The following CMYA5 variants were observed in gnomAD, a reference collection of about 807,000 sequenced individuals.
CMYA5 encodes the protein cardiomyopathy-associated protein 5.
CMYA5 carries 246 observed loss-of-function variants against 318.9 expected under a neutral mutation model. The observed-to-expected ratio is 0.77, with a 90% CI of 0.70 to 0.86. The LOEUF is 0.86. CMYA5 is among the 40% of genes least tolerant of loss of function. The pLI is 0.00. For missense variants in CMYA5, 4,589 were observed against 4,678.2 expected (o/e 0.98, Z 0.56); for synonymous variants, 1,641 against 1,729.5 (o/e 0.95, Z 1.27).
rs190060948 is a variant in CMYA5, at chr5:79,715,373, C to T, written c.150-13542C>T. On this transcript the variant is annotated intron_variant, in intron 1 of 12. Coordinates refer to ENST00000446378, the MANE Select transcript of CMYA5 (RefSeq NM_153610.5). ...TGCGATCTCAGCTCACTGCAAGCTC[C>T]GCCTCCCGGGTTCACGCCACTCTCC... 3.7e-3 allele frequency among the ~76,000 whole-genome samples: 568 copies of T among 152,072 alleles called. 6 individuals carry two copies. The highest frequency in any genetic ancestry group is 0.013 in the African/African-American group (548 of 41,450).
intron 1 of CMYA5, among the ~76,000 whole-genome samples, chr5:79,709,960 C>CAAAAAAAAAAAAAAAAAAAAAA (rs61657639): frequency 1.6e-4 from 4 of 24,320 alleles, no homozygotes; most frequent in African/African-American, 3.0e-4. Flanking sequence ...GACTCCATCT[C>CAAAAAAAAAAAAAAAAAAAAAA]AAAAAAAAAA....
intron 9 of CMYA5, 71 bp downstream of exon 9, chr5:79,763,280 C>CT (rs1828690792): frequency 3.0e-6 from 4 of 1,313,784 alleles, no homozygotes; most frequent in Non-Finnish European, 4.1e-6. Context: ...AAACTACCCT[C>CT]TAACTTCTGC....
intron 9 of CMYA5, among the ~76,000 whole-genome samples, chr5:79,763,813 G>A (rs1380902301): frequency 6.6e-6 from 1 of 152,178 alleles, no homozygotes; most frequent in Non-Finnish European, 1.5e-5. Context: ...ATCTACCGAG[G>A]TGGTGTTTTC....
chr5:79,712,006 C>T (rs1827400656), intron 1 of CMYA5, among the ~76,000 whole-genome samples: 1 of 152,094 alleles, frequency 6.6e-6, no homozygotes, highest in Non-Finnish European at 1.5e-5. Flanking sequence ...CTGGAGAGTG[C>T]CATCACTGGG....
chr5:79,712,542 G>GA (rs1198800326), intron 1 of CMYA5, among the ~76,000 whole-genome samples: 7 of 146,866 alleles, frequency 4.8e-5, no homozygotes, highest in African/African-American at 1.0e-4. Context: ...AAATGACAGA[G>GA]AAAAAAAAAA....
chr5:79,790,830 T>C, intron 10 of CMYA5, 140 bp from the exon 11 acceptor site: 1 of 622,578 alleles, frequency 1.6e-6, no homozygotes, highest in South Asian at 2.0e-5. Flanking sequence ...AGTGAAGTTT[T>C]CAGCTGTGGA....
chr5:79,730,619 A>G lies in CMYA5; in HGVS notation c.1854A>G (p.Pro618=). The G allele has an allele frequency of 6.2e-7, 1 of 1,614,034 alleles. No individual in the cohort carries two copies. The highest frequency in any genetic ancestry group is 8.5e-7 in the Non-Finnish European group (1 of 1,179,892). Residue 618 remains proline (P), a synonymous_variant, in exon 2 of 13, where the codon CCA becomes CCG. Transcript: ENST00000446378. ...AGCAAGAAGGTGAGCCAGTTCCCCC[A>G]TCCAATGTAGAAGCTATAGCTGAAC... ...LQEQEGEPVP[P]SNVEAIAEHA...
At chr5:79,788,028 A>G (rs1829110799) in intron 9 of CMYA5, among the ~76,000 whole-genome samples, 1 of 152,262 alleles carries the variant, frequency 6.6e-6, no homozygotes, top group East Asian at 1.9e-4. Flanking sequence ...AAAGACAAAC[A>G]AAAAACCCTA....
intron 6 of CMYA5, among the ~76,000 whole-genome samples, chr5:79,755,422 G>A (rs1478741729): frequency 2.6e-5 from 4 of 152,114 alleles, no homozygotes; most frequent in Non-Finnish European, 5.9e-5. Context: ...CAGTAGCTGG[G>A]ATTACAGGCG....
At chr5:79,749,504 T>A (rs569962630) in intron 5 of CMYA5, among the ~76,000 whole-genome samples, 1 of 152,142 alleles carries the variant, frequency 6.6e-6, no homozygotes, top group African/African-American at 2.4e-5. Flanking sequence ...ATTGGAAAAT[T>A]TTTTTGAGAT....
At chr5:79,794,046 C>T (rs1440330571) in intron 12 of CMYA5, among the ~76,000 whole-genome samples, 2 of 152,150 alleles carry the variant, frequency 1.3e-5, no homozygotes. Context: ...AGAGAGACCA[C>T]AAGGGTAATG....
intron 9 of CMYA5, among the ~76,000 whole-genome samples, chr5:79,766,734 G>A (rs1444925271): frequency 2.6e-5 from 4 of 152,140 alleles, no homozygotes; most frequent in Admixed American, 6.5e-5. Context: ...TTTTCACATC[G>A]ATGTTCATCA....
chr5:79,743,868 C>T lies in CMYA5; in HGVS notation c.10680C>T (p.Ser3560=), dbSNP rs757089344. The T allele has an allele frequency of 7.1e-6, 11 of 1,548,566 alleles. No homozygotes were observed. Among genetic ancestry groups the T allele is most frequent in the Non-Finnish European group, 9.6e-6 (11 of 1,144,906 alleles). ...AEFLENLQEK[S]LRIEAFVSEI... ...TTCTAGAAAATTTACAAGAAAAGTC[C>T]TTGAGGATTGAAGCCTTTGTTAGTG... The change falls in exon 3 of 13, where the codon TCC becomes TCT. Residue 3560 remains serine (S), a synonymous_variant. Transcript: ENST00000446378.
intron 9 of CMYA5, among the ~76,000 whole-genome samples, chr5:79,771,203 A>G (rs1580799057): frequency 1.3e-5 from 2 of 152,302 alleles, no homozygotes; most frequent in Admixed American, 1.3e-4. Context: ...TTGAGAGGCT[A>G]CTCAGCTCGT....
intron 9 of CMYA5, among the ~76,000 whole-genome samples, chr5:79,765,395 TGTA>T: frequency 6.6e-6 from 1 of 152,352 alleles, no homozygotes; most frequent in African/African-American, 2.4e-5. Flanking sequence ...ACTGTAGCCT[TGTA>T]GTATAGTTTG....
In CMYA5 at chr5:79,734,179, G is replaced by A. The variant is rs762419891; in HGVS notation, c.5414G>A (p.Ser1805Asn). 15 of 1,613,806 alleles carry A rather than the reference G, an allele frequency of 9.3e-6. No homozygotes were observed. Among genetic ancestry groups the A allele is most frequent in the Non-Finnish European group, 1.2e-5 (14 of 1,179,806 alleles). Reference sequence around the variant, plus strand: ...CCAAATTCATCCCAGGTACTCCAGAGTATAACAGAACCATCAAAGATTGCT... The same window carrying A: ...CCAAATTCATCCCAGGTACTCCAGAATATAACAGAACCATCAAAGATTGCT... ...GHPNSSQVLQ[S>N]ITEPSKIAPS... The change falls in exon 2 of 13, where the codon AGT becomes AAT. Residue 1805 changes from serine (S) to asparagine (N), a missense_variant. Ser to Asn is a conservative substitution (Grantham distance 46). Coordinates refer to ENST00000446378, the MANE Select transcript of CMYA5 (RefSeq NM_153610.5).
At position 79,731,871 on chromosome 5, in the gene CMYA5, T is replaced by C; in HGVS notation, c.3106T>C (p.Ser1036Pro). The change falls in exon 2 of 13, where the codon TCC (serine) becomes CCC (proline). Residue 1036 changes from serine to proline, a missense_variant. Physicochemically the swap from Ser to Pro is moderately conservative, Grantham distance 74. Coordinates refer to ENST00000446378, the MANE Select transcript of CMYA5 (RefSeq NM_153610.5). ...AACTGCAGTGTCTGCTTCAGGTTAT[T>C]CCTGCTTTTCAGAAGCAGATGAGGA... ...LLTAVSASGY[S>P]CFSEADEEDI... 3.1e-6 allele frequency: 5 copies of C among 1,613,536 alleles called. No homozygotes were observed. The highest frequency in any genetic ancestry group is 4.2e-6 in the Non-Finnish European group (5 of 1,179,752).
At chr5:79,726,123 G>T (rs542322219) in intron 1 of CMYA5, among the ~76,000 whole-genome samples, 10 of 152,266 alleles carry the variant, frequency 6.6e-5, no homozygotes, top group Admixed American at 2.0e-4. Flanking sequence ...AATCAGTAGG[G>T]CTCTCCTGTC....
intron 1 of CMYA5, among the ~76,000 whole-genome samples, chr5:79,721,914 A>G (rs1036971189): frequency 6.6e-6 from 1 of 152,236 alleles, no homozygotes; most frequent in African/African-American, 2.4e-5. Flanking sequence ...TAGAACAGGC[A>G]GACAAAAAAA....
Sources: allele counts gnomAD v4.1 joint callset (sites outside exome capture counted in the v4.1 genomes callset), GRCh38; gene constraint gnomAD v4.1.1; transcripts MANE v1.5; gene names NCBI Gene and HGNC (gene_info 2026-07-23, HGNC 2026-07-21).